The following MOV10 variants were observed in gnomAD, a reference collection of about 807,000 sequenced individuals.
The protein encoded by MOV10 is RNA helicase MOV-10.
In MOV10, 39 loss-of-function variants were observed where a neutral mutation model predicts 108.4. The ratio of observed to expected loss-of-function variants is 0.36; its 90% CI spans 0.28 to 0.47. The LOEUF (loss-of-function observed/expected upper bound fraction) is 0.47. Ranked by LOEUF, MOV10 falls within the 20% of genes least tolerant of loss-of-function variation. The probability of loss-of-function intolerance (pLI) is 1.00; values close to 1 mark genes in which losing one functional copy is unlikely to be tolerated. For missense variants in MOV10, 952 were observed against 1,297.6 expected, an observed-to-expected ratio of 0.73 and a Z score of 4.09; for synonymous variants, 490 against 523.1, an observed-to-expected ratio of 0.94 and a Z score of 0.86.
rs140916110 is a variant in MOV10, at chr1:112,683,028, T to C, written c.138-5907T>C. 1.0e-3 allele frequency among the ~76,000 whole-genome samples: 154 copies of C among 151,412 alleles called. No individual in the cohort carries two copies. In the East Asian group the frequency reaches 0.025, roughly 24 times the overall value. On this transcript the variant is annotated intron_variant, in intron 2 of 20. Transcript: ENST00000369645. ...TGCACCTCCCAGGTTCAAGCAATTCTCCCGCCTCAGCCTCCTGAGTAGCAG... is the reference window on the plus strand; with the variant it reads ...TGCACCTCCCAGGTTCAAGCAATTCCCCCGCCTCAGCCTCCTGAGTAGCAG...
chr1:112,684,456 A>G (rs1317637430), intron 2 of MOV10, among the ~76,000 whole-genome samples: 3 of 150,918 alleles, frequency 2.0e-5, no homozygotes, highest in African/African-American at 7.3e-5. Context: ...TTTAGTAGAA[A>G]TGGGTTTCTC....
Position 112,696,843 on chromosome 1 carries a change from A to G in MOV10, c.2195A>G (p.Tyr732Cys), listed in dbSNP as rs1453745854. 1 of 1,588,302 alleles carries G rather than the reference A, an allele frequency of 6.3e-7. No individual in the cohort carries two copies. Among genetic ancestry groups the G allele is most frequent in the Non-Finnish European group, 8.6e-7 (1 of 1,165,854 alleles). The change falls in exon 14 of 21, where the codon TAC (tyrosine) becomes TGC (cysteine). Residue 732 changes from tyrosine (Y) to cysteine (C), a missense_variant. Physicochemically the swap from Tyr to Cys is radical, Grantham distance 194 (BLOSUM62 -2). Transcript: ENST00000369645. Reference sequence around the variant, plus strand: ...TTCATAACCAAGCTGCTCCGCAACTACAGGTATTCCCATGCCCTTGCCTCC... The same window carrying G: ...TTCATAACCAAGCTGCTCCGCAACTGCAGGTATTCCCATGCCCTTGCCTCC... ...PQFITKLLRN[Y>C]RSHPTILDIP... is the part of the protein sequence containing the mutation.
chr1:112,696,297 A>C, intron 12 of MOV10, 46 bp downstream of exon 12: 1 of 1,490,728 alleles, frequency 6.7e-7, no homozygotes, highest in Non-Finnish European at 9.4e-7. Flanking sequence ...AGTGTAATTA[A>C]AGGGGTACCG....
intron 7 of MOV10, 197 bp from the exon 8 acceptor site, chr1:112,693,821 G>C (rs1673816010): frequency 1.9e-6 from 1 of 533,112 alleles, no homozygotes; most frequent in South Asian, 2.4e-5. Context: ...CAGCTTCGGA[G>C]GATTTGTCTT....
At chr1:112,682,995 C>T (rs571120239) in intron 2 of MOV10, among the ~76,000 whole-genome samples, 1 of 150,386 alleles carries the variant, frequency 6.6e-6, no homozygotes, top group Non-Finnish European at 1.5e-5. Context: ...TCTTGGCTCA[C>T]TGCAACCTGC....
In MOV10 at chr1:112,694,934, T is replaced by C. The variant is rs375418493; in HGVS notation, c.1620+38T>C. On this transcript the variant is annotated intron_variant, in intron 10 of 20. Transcript: ENST00000369645. The surrounding 1 kb of genome is among the most constrained non-coding windows in gnomAD (Gnocchi z 4.1). ...CACAAACCTGGGGCCTGCACTCTGA[T>C]TCCCCCAGCACCAAGCAGTTGTCCC... 6.3e-7 allele frequency: 1 copy of C among 1,595,982 alleles called. No individual in the cohort carries two copies. The highest frequency in any genetic ancestry group is 2.2e-5 in the East Asian group (1 of 44,502).
At chr1:112,700,176 G>T (rs1318727858) in intron 19 of MOV10, 43 bp from the exon 20 acceptor site, 3 of 1,613,316 alleles carry the variant, frequency 1.9e-6, no homozygotes, top group Non-Finnish European at 1.7e-6. Flanking sequence ...CAGGACCGTG[G>T]CTTAGCCTCC....
upstream of MOV10, chr1:112,674,565 G>A (rs573703192): frequency 2.7e-4 from 50 of 186,050 alleles, no homozygotes; most frequent in Non-Finnish European, 5.0e-4. Flanking sequence ...CTCCCGGGCT[G>A]TTCAGAGGGC....
At chr1:112,700,068 C>T in intron 19 of MOV10, 86 bp downstream of exon 19, 2 of 1,582,774 alleles carry the variant, frequency 1.3e-6, no homozygotes, top group Middle Eastern at 1.8e-4. Context: ...TTGCTTATCG[C>T]TCAGTTAATC....
intron 2 of MOV10, among the ~76,000 whole-genome samples, chr1:112,678,455 G>T (rs1167643914): frequency 2.0e-5 from 3 of 152,074 alleles, no homozygotes; most frequent in Non-Finnish European, 4.4e-5. Context: ...GCAGCAGTTA[G>T]ATAATTATTT....
chr1:112,699,415 T>C, intron 17 of MOV10: 2 of 1,263,264 alleles, frequency 1.6e-6, no homozygotes, highest in South Asian at 1.9e-5. Flanking sequence ...AAGTCACTGC[T>C]CTGAGTTCCC....
chr1:112,689,071 A>G lies in MOV10; in HGVS notation c.274A>G (p.Arg92Gly). 6.2e-7 allele frequency: 1 copy of G among 1,612,466 alleles called. No individual in the cohort carries two copies. The highest frequency in any genetic ancestry group is 8.5e-7 in the Non-Finnish European group (1 of 1,180,022). The change falls in exon 3 of 21, where the codon AGA becomes GGA. Residue 92 changes from arginine to glycine, a missense_variant. This residue lies in a region of MOV10 where 374 missense variants were observed against 468.6 expected (regional missense o/e 0.80). Coordinates refer to ENST00000369645, the MANE Select transcript of MOV10 (RefSeq NM_001321324.2). ...WADVRFPEKR[R>G]MKLGSDISKH... ...CGACGTGCGGTTCCCAGAAAAGAGG[A>G]GAATGAAGCTGGGGTCAGATATCAG...
rs767983345 is a variant in MOV10 at position 112,698,088 on chromosome 1, C to T, written c.2293C>T (p.Arg765Cys). 36 of 1,614,000 alleles carry T rather than the reference C, an allele frequency of 2.2e-5. No individual in the cohort carries two copies. The highest frequency in any genetic ancestry group is 1.6e-4 in the Middle Eastern group (1 of 6,082). The change falls in exon 15 of 21, where the codon CGC (arginine) becomes TGC (cysteine). Residue 765 changes from arginine to cysteine, a missense_variant. Around this residue, in one of 5 missense-constraint regions of MOV10, gnomAD observed 453 missense variants for 611.5 expected, o/e 0.74. Transcript: ENST00000369645. ...ADVVDRERFC[R>C]WAGLPRQGFP... ...TGTCGTGGATCGAGAACGCTTCTGC[C>T]GCTGGGCGGGCCTACCTCGACAGGT...
intron 2 of MOV10, among the ~76,000 whole-genome samples, chr1:112,676,079 C>T (rs1170320112): frequency 6.6e-6 from 1 of 152,140 alleles, no homozygotes. Context: ...ATCGTTTTCA[C>T]TAATGGTTAT....
Position 112,696,173 on chromosome 1 carries a change from A to G in MOV10, c.1805A>G (p.Lys602Arg). Reference protein sequence around the residue: ...IKPCCNWDAKKGEYVFPAKKK... With the variant: ...IKPCCNWDAKRGEYVFPAKKK... The stretch of plus-strand genomic sequence containing the variant: ...CCCTGCTGCAACTGGGACGCAAAGA[A>G]GGGGGAGTATGTATTTCCCGCCAAG... The change falls in exon 12 of 21, where the codon AAG becomes AGG. Residue 602 changes from lysine to arginine, a missense_variant. Physicochemically the swap from Lys to Arg is conservative, Grantham distance 26 (BLOSUM62 2). Coordinates refer to ENST00000369645, the MANE Select transcript of MOV10 (RefSeq NM_001321324.2). 6.2e-7 allele frequency: 1 copy of G among 1,613,834 alleles called. No individual in the cohort carries two copies. The highest frequency in any genetic ancestry group is 8.5e-7 in the Non-Finnish European group (1 of 1,179,904).
chr1:112,692,965 C>T, intron 7 of MOV10, 36 bp downstream of exon 7: 1 of 1,562,680 alleles, frequency 6.4e-7, no homozygotes, highest in Non-Finnish European at 8.7e-7. Context: ...AGGGTGGGCT[C>T]AAGCCAGCCA....
In MOV10 at chr1:112,694,301, C is replaced by A. The variant is rs1462273203; in HGVS notation, c.1295+129C>A. ...GCAGGAGACTTTTCCTCAGGGGTAC[C>A]CTGAGATGCTACGGCAGCTTCCTCT... On this transcript the variant is annotated intron_variant, in intron 8 of 20. Transcript: ENST00000369645. This position sits in a 1 kb window ranked among gnomAD's most constrained non-coding sequence, Gnocchi z 4.1. 3 of 1,421,426 alleles carry A rather than the reference C, an allele frequency of 2.1e-6. No individual in the cohort carries two copies. The highest frequency in any genetic ancestry group is 1.8e-5 in the Admixed American group (1 of 54,128). The allele number at this position is 1,421,426 out of a possible 1,614,324, so 88.1% of individuals were successfully genotyped here. A position where few individuals can be genotyped will look rare whatever the true frequency, so the allele number is the denominator to read the frequency against.
chr1:112,685,130 C>T (rs530713240), intron 2 of MOV10: 91 of 151,642 alleles, frequency 6.0e-4, no homozygotes, highest in African/African-American at 2.1e-3. Context: ...AGTGATCCTT[C>T]TGCCTCAGCC....
rs1672153040 is a variant in MOV10, at chr1:112,675,708, G to C, written c.137+659G>C. 6.6e-6 allele frequency among the ~76,000 whole-genome samples: 1 copy of C among 152,246 alleles called. No homozygotes were observed. The highest frequency in any genetic ancestry group is 2.1e-4 in the South Asian group (1 of 4,834). ...GCTCCCTTTCACCCTGTGGCTGAAG[G>C]CTCTTTGGTCTCCTTTTCCTGCTAC... On this transcript the variant is annotated intron_variant, in intron 2 of 20. Coordinates refer to ENST00000369645, the MANE Select transcript of MOV10 (RefSeq NM_001321324.2). The surrounding 1 kb of genome is among the most constrained non-coding windows in gnomAD (Gnocchi z 4.7).
Sources: gnomAD v4.1 joint callset for allele counts (sites outside exome capture counted in the v4.1 genomes callset) on GRCh38, gnomAD v4.1.1 for gene constraint, gnomAD v4.1.1 regional missense constraint, Gnocchi (gnomAD v3.1) non-coding constraint, MANE v1.5 for transcripts, NCBI Gene and HGNC (gene_info 2026-07-23, HGNC 2026-07-21) for gene names.